Variants in PDE1A observed in about 807,000 individuals in gnomAD.
PDE1A encodes dual specificity calcium/calmodulin-dependent 3',5'-cyclic nucleotide phosphodiesterase 1A.
PDE1A carries 35 observed loss-of-function variants against 61.7 expected under a neutral mutation model. The ratio of observed to expected loss-of-function variants is 0.57; its 90% CI spans 0.43 to 0.75. The LOEUF (loss-of-function observed/expected upper bound fraction) is 0.75, where lower values mean the gene tolerates loss of function less well. PDE1A is among the 30% of genes least tolerant of loss of function. PDE1A has a pLI of 0.00. For synonymous variants in PDE1A, 232 were observed against 213.2 expected, an observed-to-expected ratio of 1.09 and a Z score of -0.77; for missense variants, 597 against 630.6, an observed-to-expected ratio of 0.95 and a Z score of 0.57.
intron 1 of PDE1A, among the ~76,000 whole-genome samples, chr2:182,338,392 T>A (rs1328715836): frequency 2.2e-5 from 2 of 93,020 alleles, no homozygotes; most frequent in African/African-American, 6.3e-5. Flanking sequence ...AACATGAGAG[T>A]TCTTTTCTTG....
rs542374958 is a variant in PDE1A, at chr2:182,416,171, A to G, written c.53+10407T>C. Among the ~76,000 whole-genome samples, 7 of 152,278 alleles carry G rather than the reference A, an allele frequency of 4.6e-5. No individual in the cohort carries two copies. The South Asian group carries it at 1.5e-3, about 32-fold the overall frequency. ...GTATAAAATTAAAAAATATAAACTA[A>G]ATATGGGATTCTACACACCTACAAA... On this transcript the variant is annotated intron_variant, in intron 1 of 13. Coordinates refer to ENST00000351439, the Ensembl canonical transcript of PDE1A.
At chr2:182,165,412 G>T (rs985255129), downstream of PDE1A, among the ~76,000 whole-genome samples, 2 of 152,144 alleles carry the variant, frequency 1.3e-5, no homozygotes, top group African/African-American at 4.8e-5. Flanking sequence ...AGGCTAAAAA[G>T]GGAGTTAGGG....
chr2:182,277,720 C>A (rs1693529557), intron 1 of PDE1A, among the ~76,000 whole-genome samples: 2 of 152,052 alleles, frequency 1.3e-5, no homozygotes, highest in South Asian at 4.1e-4. Context: ...AAGAGAGACA[C>A]CTGATTCTTA....
chr2:182,263,148 C>A (rs1692352677), intron 2 of PDE1A, among the ~76,000 whole-genome samples: 1 of 152,138 alleles, frequency 6.6e-6, no homozygotes, highest in African/African-American at 2.4e-5. Context: ...GTGTCCTCAC[C>A]TCCATATTCC....
rs1553560266 is a variant in PDE1A at position 182,264,878 on chromosome 2, C to CATACATATATATATAT, written c.54-465_54-464insATATATATATATGTAT. Among the ~76,000 whole-genome samples, 7 of 106,870 alleles carry CATACATATATATATAT rather than the reference C, an allele frequency of 6.6e-5. No homozygotes were observed. In the South Asian group the frequency reaches 2.0e-3, roughly 31 times the overall value. The allele number at this position is 106,870 out of a possible 152,430, so 70.1% of individuals were successfully genotyped here. A position where few individuals can be genotyped will look rare whatever the true frequency, so the allele number is the denominator to read the frequency against. ...ATAAAGAAAATGTGGTATATATATA[C>CATACATATATATATAT]ATATATATATATATGTATATATATA... On this transcript the variant is annotated intron_variant, in intron 1 of 13. Transcript: ENST00000351439.
At chr2:182,199,169 A>G (rs1358549264) in intron 10 of PDE1A, among the ~76,000 whole-genome samples, 1 of 151,992 alleles carries the variant, frequency 6.6e-6, no homozygotes, top group Non-Finnish European at 1.5e-5. Context: ...CTTTTGATGA[A>G]TACAGGCTCT....
intron 2 of PDE1A, among the ~76,000 whole-genome samples, chr2:182,457,437 T>C (rs61177376): frequency 0.027 from 4,032 of 152,074 alleles, 197 homozygotes; most frequent in African/African-American, 0.092. Context: ...AAAATCTGTG[T>C]GTAAACAAAA....
chr2:182,151,460 G>C (rs1384994893), intron 13 of PDE1A, among the ~76,000 whole-genome samples: 1 of 152,100 alleles, frequency 6.6e-6, no homozygotes, highest in African/African-American at 2.4e-5. Flanking sequence ...CTGAGACATA[G>C]CTTGAAAACT....
At chr2:182,185,123 C>T (rs1358664495) in intron 13 of PDE1A, among the ~76,000 whole-genome samples, 1 of 151,868 alleles carries the variant, frequency 6.6e-6, no homozygotes, top group Non-Finnish European at 1.5e-5. Flanking sequence ...CTGCAAAAAA[C>T]ACAAGGAAAA....
chr2:182,677,987 T>C, the PDE1A span, among the ~76,000 whole-genome samples: 3 of 152,186 alleles, frequency 2.0e-5, no homozygotes, highest in African/African-American at 4.8e-5. Flanking sequence ...ACTTTCTTAA[T>C]ATATCGCAGC....
chr2:182,643,908 G>A, the PDE1A span, among the ~76,000 whole-genome samples: 1 of 151,876 alleles, frequency 6.6e-6, no homozygotes, highest in African/African-American at 2.4e-5. Context: ...TATTAATTAG[G>A]CCAGGAATTC....
intron 1 of PDE1A, among the ~76,000 whole-genome samples, chr2:182,419,093 G>T (rs1703107605): frequency 6.6e-6 from 1 of 151,614 alleles, no homozygotes; most frequent in South Asian, 2.1e-4. Flanking sequence ...ACATTGTACT[G>T]ATAGGAAGAC....
chr2:182,580,074 C>T, the PDE1A span, among the ~76,000 whole-genome samples: 66 of 152,286 alleles, frequency 4.3e-4, no homozygotes, highest in Non-Finnish European at 8.4e-4. Context: ...AAAATAAACA[C>T]ACAAATTAAT....
rs748385082 is a variant in PDE1A, at chr2:182,284,813, T to C, written c.54-20399A>G. Among the ~76,000 whole-genome samples the C allele has an allele frequency of 2.2e-4, 34 of 152,250 alleles. No individual in the cohort carries two copies. In the South Asian group the frequency reaches 2.7e-3, roughly 12 times the overall value. ...GGAAATAAAACAATAATAACTAACA[T>C]TTATTAAGCACTTTACATATAATAA... On this transcript the variant is annotated intron_variant, in intron 1 of 13. Coordinates refer to ENST00000351439, the Ensembl canonical transcript of PDE1A.
intron 2 of PDE1A, among the ~76,000 whole-genome samples, chr2:182,459,531 T>G (rs1686138923): frequency 6.6e-6 from 1 of 152,180 alleles, no homozygotes; most frequent in South Asian, 2.1e-4. Flanking sequence ...ACTAAAAGGA[T>G]ACTGGGTGGT....
At chr2:182,615,855 C>G in the PDE1A span, among the ~76,000 whole-genome samples, 1 of 152,134 alleles carries the variant, frequency 6.6e-6, no homozygotes, top group Non-Finnish European at 1.5e-5. Context: ...CCCACTCCCA[C>G]GTTAATCAAC....
chr2:182,604,237 GA>G, the PDE1A span, among the ~76,000 whole-genome samples: 76 of 152,192 alleles, frequency 5.0e-4, no homozygotes, highest in Middle Eastern at 3.5e-3. Flanking sequence ...CACTAAAATA[GA>G]TATTCCATTT....
At chr2:182,680,382 T>TA in the PDE1A span, among the ~76,000 whole-genome samples, 176 of 152,040 alleles carry the variant, frequency 1.2e-3, 2 homozygotes, top group African/African-American at 4.1e-3. Context: ...GGCTAATTTT[T>TA]GTTTTTTTTG....
chr2:182,547,819 T>A, the PDE1A span, among the ~76,000 whole-genome samples: 1 of 152,216 alleles, frequency 6.6e-6, no homozygotes, highest in South Asian at 2.1e-4. Context: ...TTATTACTCT[T>A]AATGGCATCA....
Sources: allele counts gnomAD v4.1 joint callset (sites outside exome capture counted in the v4.1 genomes callset), GRCh38; gene constraint gnomAD v4.1.1; transcripts MANE v1.5; gene names NCBI Gene and HGNC (gene_info 2026-07-23, HGNC 2026-07-21).